The following VAV2 variants were observed in gnomAD, a reference collection of about 807,000 sequenced individuals.
VAV2 encodes the protein guanine nucleotide exchange factor VAV2.
VAV2 carries 67 observed loss-of-function variants against 132.5 expected under a neutral mutation model. The observed-to-expected ratio is 0.51, with a 90% CI of 0.42 to 0.62. The LOEUF is 0.62. Among genes scored for constraint, VAV2 ranks in the 20% least tolerant of loss-of-function variants. The pLI, the probability that VAV2 is intolerant of heterozygous loss-of-function variation, is 0.00. For missense variants in VAV2, 938 were observed against 1,153.6 expected, an observed-to-expected ratio of 0.81 and a Z score of 2.71; for synonymous variants, 492 against 443.5, an observed-to-expected ratio of 1.11 and a Z score of -1.37.
chr9:133,818,059 C>A (rs12342463), intron 4 of VAV2, among the ~76,000 whole-genome samples: 32,465 of 151,920 alleles, frequency 0.21, 3,758 homozygotes, highest in African/African-American at 0.29. Flanking sequence ...TGAGGGCCCA[C>A]GTAGAACAAA....
At chr9:133,983,505 A>G (rs1317137010) in intron 1 of VAV2, among the ~76,000 whole-genome samples, 3 of 151,974 alleles carry the variant, frequency 2.0e-5, no homozygotes. Context: ...GCCCCGACCC[A>G]TCTCCAAGTC....
At position 133,789,208 on chromosome 9, in the gene VAV2, G is replaced by A. The variant is rs1224086265; in HGVS notation, c.1274+50C>T. The A allele has an allele frequency of 6.2e-6, 10 of 1,603,948 alleles. No individual in the cohort carries two copies. In the East Asian group the frequency reaches 2.2e-4, roughly 36 times the overall value. ...TAGGAGTGGCTCCCTGGGAGGGAGA[G>A]CCAGACCCTGGCGGGACGCCACCCA... On this transcript the variant is annotated intron_variant, in intron 14 of 29. Transcript: ENST00000371850.
chr9:133,813,121 G>T (rs1210885531), intron 4 of VAV2, among the ~76,000 whole-genome samples: 1 of 152,194 alleles, frequency 6.6e-6, no homozygotes, highest in Admixed American at 6.5e-5. Context: ...AGGCCCCGTT[G>T]GGGGCTCACT....
At chr9:133,766,245 G>A (rs1833426514) in intron 29 of VAV2, among the ~76,000 whole-genome samples, 1 of 152,162 alleles carries the variant, frequency 6.6e-6, no homozygotes, top group Non-Finnish European at 1.5e-5. Flanking sequence ...TTCCCACACT[G>A]TCTTCCACAA....
Position 133,833,741 on chromosome 9 carries a change from C to G in VAV2, c.449+531G>C, listed in dbSNP as rs1035162276. ...GCGCCTGGGTGGAGCAGAGGCCTCT[C>G]AGAGAGAGGAATGAGGTGGACACGG... is the stretch of plus-strand genomic sequence containing the variant. On this transcript the variant is annotated intron_variant, in intron 4 of 29. Transcript: ENST00000371850. The surrounding 1 kb of genome is among the most constrained non-coding windows in gnomAD (Gnocchi z 5.6). Among the ~76,000 whole-genome samples, 20 of 152,274 alleles carry G rather than the reference C, an allele frequency of 1.3e-4. No homozygotes were observed. The highest frequency in any genetic ancestry group is 3.8e-4 in the African/African-American group (16 of 41,570).
At position 133,826,944 on chromosome 9, in the gene VAV2, A is replaced by G. The variant is rs1836013234; in HGVS notation, c.449+7328T>C. ...CGCACTCATCACGGCGCTCTGTGGC[A>G]CCCAATCCGGGTGCCCTTTCCAAAT... On this transcript the variant is annotated intron_variant, in intron 4 of 29. Coordinates refer to ENST00000371850, the MANE Select transcript of VAV2 (RefSeq NM_001134398.2). This position sits in a 1 kb window ranked among gnomAD's most constrained non-coding sequence, Gnocchi z 4.2. Among the ~76,000 whole-genome samples the G allele has an allele frequency of 6.6e-6, 1 of 152,022 alleles. No individual in the cohort carries two copies. Among genetic ancestry groups the G allele is most frequent in the South Asian group, 2.1e-4 (1 of 4,828 alleles).
In VAV2 at chr9:133,924,324, C is replaced by T. The variant is rs569690156; in HGVS notation, c.321+14779G>A. On this transcript the variant is annotated intron_variant, in intron 2 of 29. Coordinates refer to ENST00000371850, the MANE Select transcript of VAV2 (RefSeq NM_001134398.2). The stretch of plus-strand genomic sequence containing the variant: ...TAGCCTCCCGAGTAGCTGGGGTAGA[C>T]TACAGTTATGCACCACCACACCCAG... Among the ~76,000 whole-genome samples, 8 of 152,122 alleles carry T rather than the reference C, an allele frequency of 5.3e-5. No individual in the cohort carries two copies. In the South Asian group the frequency reaches 1.5e-3, roughly 28 times the overall value.
At chr9:133,893,486 G>A (rs553202913) in intron 2 of VAV2, among the ~76,000 whole-genome samples, 41 of 152,314 alleles carry the variant, frequency 2.7e-4, no homozygotes, top group African/African-American at 8.7e-4. Context: ...TGCCCCGCAC[G>A]GCCGCCTACC....
At chr9:133,811,705 G>A (rs1007185383) in intron 5 of VAV2, among the ~76,000 whole-genome samples, 4 of 152,218 alleles carry the variant, frequency 2.6e-5, no homozygotes, top group African/African-American at 9.7e-5. Flanking sequence ...CACACAAAGG[G>A]GGAAAATGAC....
At chr9:133,859,034 G>A (rs1199326485) in intron 3 of VAV2, among the ~76,000 whole-genome samples, 9 of 152,290 alleles carry the variant, frequency 5.9e-5, no homozygotes, top group Middle Eastern at 3.4e-3. Context: ...GAGCGGCAGC[G>A]TGAAGCACCA....
In VAV2 at chr9:133,928,951, C is replaced by T. The variant is rs539069927; in HGVS notation, c.321+10152G>A. Among the ~76,000 whole-genome samples, 14 of 152,270 alleles carry T rather than the reference C, an allele frequency of 9.2e-5. No homozygotes were observed. In the South Asian group the frequency reaches 1.5e-3, roughly 16 times the overall value. ...GGGTCATCACCCACGTGCTCAAACGCGGCTGGTACAATCACAGCACCACTC... is the reference window on the plus strand; with the variant it reads ...GGGTCATCACCCACGTGCTCAAACGTGGCTGGTACAATCACAGCACCACTC... On this transcript the variant is annotated intron_variant, in intron 2 of 29. Transcript: ENST00000371850. The surrounding 1 kb of genome is among the most constrained non-coding windows in gnomAD (Gnocchi z 5.4).
chr9:133,806,304 G>A, intron 8 of VAV2, 123 bp from the exon 9 acceptor site: 1 of 821,826 alleles, frequency 1.2e-6, no homozygotes, highest in Non-Finnish European at 1.9e-6. Context: ...CCGGGTGCTG[G>A]GCCTGCACCC....
intron 2 of VAV2, among the ~76,000 whole-genome samples, chr9:133,893,904 G>A (rs1317157375): frequency 1.3e-5 from 2 of 152,160 alleles, no homozygotes; most frequent in Non-Finnish European, 2.9e-5. Context: ...TGCTTTACTG[G>A]ACCTCACGGA....
Position 133,796,737 on chromosome 9 carries a change from T to G in VAV2, c.937-213A>C, listed in dbSNP as rs1041216407. 2.6e-5 allele frequency among the ~76,000 whole-genome samples: 4 copies of G among 152,134 alleles called. 1 individual carries two copies. The highest frequency in any genetic ancestry group is 6.5e-5 in the Admixed American group (1 of 15,282). The stretch of plus-strand genomic sequence containing the variant: ...CACATGGCTCCCACCCTGCCGTGTC[T>G]GCACTGGCCACACTGGGACGCAGTG... On this transcript the variant is annotated intron_variant, in intron 10 of 29. Transcript: ENST00000371850.
In VAV2 at chr9:133,928,473, G is replaced by A. The variant is rs1437258989; in HGVS notation, c.321+10630C>T. Among the ~76,000 whole-genome samples, 1 of 152,188 alleles carries A rather than the reference G, an allele frequency of 6.6e-6. No homozygotes were observed. Among genetic ancestry groups the A allele is most frequent in the Non-Finnish European group, 1.5e-5 (1 of 68,032 alleles). On this transcript the variant is annotated intron_variant, in intron 2 of 29. Coordinates refer to ENST00000371850, the MANE Select transcript of VAV2 (RefSeq NM_001134398.2). The surrounding 1 kb of genome is among the most constrained non-coding windows in gnomAD (Gnocchi z 5.4). ...AGTGTGGAGTGGATGCTGCTACAAA[G>A]ACTAGCACGTCTCACTGCCAGCATT...
At position 133,769,301 on chromosome 9, in the gene VAV2, C is replaced by G. The variant is rs1014068142; in HGVS notation, c.2434+116G>C. On this transcript the variant is annotated intron_variant, in intron 28 of 29. Transcript: ENST00000371850. The surrounding 1 kb of genome is among the most constrained non-coding windows in gnomAD (Gnocchi z 8.1). Reference sequence around the variant, plus strand: ...CTCCCCTCCACCCAGTGCCAGACTGCGGACAACTGTGGCCACGTCAGGCAG... The same window carrying G: ...CTCCCCTCCACCCAGTGCCAGACTGGGGACAACTGTGGCCACGTCAGGCAG... 1.7e-6 allele frequency: 2 copies of G among 1,144,206 alleles called. No homozygotes were observed. The highest frequency in any genetic ancestry group is 2.4e-6 in the Non-Finnish European group (2 of 816,900). 70.9% of individuals were successfully genotyped at this position (1,144,206 alleles called of 1,614,324 possible).
chr9:133,875,957 C>T (rs1312514179), intron 2 of VAV2, among the ~76,000 whole-genome samples: 4 of 152,334 alleles, frequency 2.6e-5, no homozygotes, highest in South Asian at 4.1e-4. Flanking sequence ...TGATGGCAGA[C>T]GAAGGCCTTA....
intron 2 of VAV2, among the ~76,000 whole-genome samples, chr9:133,925,410 G>A (rs968135671): frequency 2.6e-5 from 4 of 152,112 alleles, no homozygotes; most frequent in Non-Finnish European, 5.9e-5. Flanking sequence ...TACAGACGGG[G>A]TTTCACCACG....
intron 5 of VAV2, among the ~76,000 whole-genome samples, chr9:133,810,732 A>AGGTCT (rs1420197126): frequency 8.5e-6 from 1 of 117,738 alleles, no homozygotes; most frequent in Non-Finnish European, 1.7e-5. Flanking sequence ...TTTCTCAAAG[A>AGGTCT]GGTCTGAGAC....
Sources: allele counts gnomAD v4.1 joint callset (sites outside exome capture counted in the v4.1 genomes callset), GRCh38; gene constraint gnomAD v4.1.1; non-coding constraint Gnocchi (gnomAD v3.1); transcripts MANE v1.5; gene names NCBI Gene and HGNC (gene_info 2026-07-23, HGNC 2026-07-21).